Variants in DIAPH3 observed in about 807,000 individuals in gnomAD.
DIAPH3 encodes the protein diaphanous related formin 3, also known as protein diaphanous homolog 3.
In DIAPH3, 117 loss-of-function variants were observed where a neutral mutation model predicts 144.3. That is an observed-to-expected ratio of 0.81 (90% CI 0.70 to 0.95). The LOEUF (loss-of-function observed/expected upper bound fraction) is 0.95, where lower values mean the gene tolerates loss of function less well. DIAPH3 is among the 40% of genes least tolerant of loss of function. The pLI is 0.00. For missense variants in DIAPH3, 1,421 were observed against 1,412.7 expected (o/e 1.01, Z -0.09); for synonymous variants, 519 against 488.9 (o/e 1.06, Z -0.81).
chr13:59,996,913 A>G (rs2052229454), intron 9 of DIAPH3, among the ~76,000 whole-genome samples: 1 of 152,102 alleles, frequency 6.6e-6, no homozygotes, highest in Admixed American at 6.6e-5. Flanking sequence ...TCATATGTGA[A>G]TATATAGTAC....
At chr13:59,922,231 T>A (rs970584032) in intron 18 of DIAPH3, among the ~76,000 whole-genome samples, 1 of 151,798 alleles carries the variant, frequency 6.6e-6, no homozygotes, top group Non-Finnish European at 1.5e-5. Flanking sequence ...AGAAAAAAAA[T>A]AGGCAGAAAT....
intron 13 of DIAPH3, among the ~76,000 whole-genome samples, chr13:59,982,205 TAAA>T (rs1167115778): frequency 1.3e-5 from 2 of 151,472 alleles, no homozygotes; most frequent in African/African-American, 4.8e-5. Context: ...ATTAATTTAT[TAAA>T]ACTACATAAG....
At chr13:59,775,650 A>T (rs192939711) in intron 25 of DIAPH3, among the ~76,000 whole-genome samples, 2 of 152,260 alleles carry the variant, frequency 1.3e-5, no homozygotes, top group East Asian at 3.9e-4. Context: ...CATGCTTCCA[A>T]CAATTGATTT....
rs2057910047 is a variant in DIAPH3, at chr13:60,090,989, T to C, written c.495+2639A>G. Reference sequence around the variant, plus strand: ...GAATGCAAACTGAAATAGATCCACATAACAAAGTTCAAAACAGTTTGTTTC... The same window carrying C: ...GAATGCAAACTGAAATAGATCCACACAACAAAGTTCAAAACAGTTTGTTTC... On this transcript the variant is annotated intron_variant, in intron 4 of 27. Transcript: ENST00000400324. Among the ~76,000 whole-genome samples, 4 of 152,206 alleles carry C rather than the reference T, an allele frequency of 2.6e-5. No individual in the cohort carries two copies. In the South Asian group the frequency reaches 8.3e-4, roughly 32 times the overall value.
chr13:59,840,137 T>C (rs2042259026), intron 22 of DIAPH3, among the ~76,000 whole-genome samples: 1 of 152,132 alleles, frequency 6.6e-6, no homozygotes, highest in Non-Finnish European at 1.5e-5. Flanking sequence ...AATCTTTTCA[T>C]AGTCAATTTT....
At chr13:59,868,150 A>T (rs2044043898) in intron 21 of DIAPH3, among the ~76,000 whole-genome samples, 1 of 152,142 alleles carries the variant, frequency 6.6e-6, no homozygotes, top group African/African-American at 2.4e-5. Context: ...TACGTCAAAA[A>T]TTTTAAAAAT....
intron 1 of DIAPH3, among the ~76,000 whole-genome samples, chr13:60,133,571 A>G (rs2138241915): frequency 6.6e-6 from 1 of 152,302 alleles, no homozygotes; most frequent in South Asian, 2.1e-4. Flanking sequence ...ATTTATCATG[A>G]GTGGTGACAG....
intron 23 of DIAPH3, 72 bp from the exon 24 acceptor site, chr13:59,833,343 A>G: frequency 8.2e-7 from 1 of 1,214,536 alleles, no homozygotes; most frequent in Non-Finnish European, 1.2e-6. Flanking sequence ...CTGTAAATCC[A>G]ATGTTTTAGT....
intron 21 of DIAPH3, among the ~76,000 whole-genome samples, chr13:59,861,904 C>A (rs2043615207): frequency 6.6e-6 from 1 of 152,306 alleles, no homozygotes; most frequent in South Asian, 2.1e-4. Context: ...CTACTAGCTA[C>A]TGTAGTAGTT....
At chr13:59,822,720 C>T (rs765727874) in intron 24 of DIAPH3, among the ~76,000 whole-genome samples, 2 of 152,040 alleles carry the variant, frequency 1.3e-5, no homozygotes, top group Non-Finnish European at 2.9e-5. Flanking sequence ...GGATTACAGG[C>T]CTGAGCCACC....
At chr13:60,050,911 A>G (rs2056314220) in intron 4 of DIAPH3, among the ~76,000 whole-genome samples, 1 of 152,208 alleles carries the variant, frequency 6.6e-6, no homozygotes, top group Non-Finnish European at 1.5e-5. Flanking sequence ...GGAAAACATT[A>G]GATGTCCTCA....
chr13:60,056,835 T>G (rs2056578374), intron 4 of DIAPH3, among the ~76,000 whole-genome samples: 1 of 151,866 alleles, frequency 6.6e-6, no homozygotes, highest in South Asian at 2.1e-4. Flanking sequence ...GAAGTTTCCT[T>G]TTGGGTTGAC....
At chr13:59,887,402 T>C (rs1157725053) in intron 20 of DIAPH3, among the ~76,000 whole-genome samples, 2 of 152,062 alleles carry the variant, frequency 1.3e-5, no homozygotes, top group African/African-American at 2.4e-5. Context: ...CTGATACCAG[T>C]AGTTTGAGAA....
chr13:59,974,539 G>T, intron 14 of DIAPH3, 83 bp from the exon 15 acceptor site: 1 of 1,148,606 alleles, frequency 8.7e-7, no homozygotes, highest in Non-Finnish European at 1.3e-6. Context: ...TGACTCGAAT[G>T]ATCTGCCGGT....
chr13:59,899,454 T>G (rs2046314330), intron 20 of DIAPH3, among the ~76,000 whole-genome samples: 1 of 152,148 alleles, frequency 6.6e-6, no homozygotes, highest in South Asian at 2.1e-4. Context: ...TTTGAATAAC[T>G]GGACAAGGCA....
intron 21 of DIAPH3, among the ~76,000 whole-genome samples, chr13:59,878,464 A>T (rs2044773425): frequency 6.6e-6 from 1 of 152,156 alleles, no homozygotes; most frequent in Non-Finnish European, 1.5e-5. Flanking sequence ...CAAATTCCTT[A>T]ATCAGGGAGT....
chr13:60,149,805 C>G (rs942426214), intron 1 of DIAPH3, among the ~76,000 whole-genome samples: 1 of 151,518 alleles, frequency 6.6e-6, no homozygotes, highest in African/African-American at 2.4e-5. Context: ...AACCAGCAGC[C>G]CTTGGGGCTG....
intron 2 of DIAPH3, among the ~76,000 whole-genome samples, chr13:60,124,354 G>A (rs1015250400): frequency 6.6e-6 from 1 of 152,122 alleles, no homozygotes; most frequent in African/African-American, 2.4e-5. Flanking sequence ...TATGTGAAGT[G>A]CTTTCTATAC....
chr13:59,749,623 A>G (rs1404867821), intron 27 of DIAPH3, among the ~76,000 whole-genome samples: 1 of 151,710 alleles, frequency 6.6e-6, no homozygotes, highest in Non-Finnish European at 1.5e-5. Flanking sequence ...TCTCAGATAT[A>G]TAATTCACAA....
Sources: gnomAD v4.1 joint callset for allele counts (sites outside exome capture counted in the v4.1 genomes callset) on GRCh38, gnomAD v4.1.1 for gene constraint, MANE v1.5 for transcripts, NCBI Gene and HGNC (gene_info 2026-07-23, HGNC 2026-07-21) for gene names.